Variants in NRG2 observed in about 807,000 individuals in gnomAD.
NRG2 encodes the protein pro-neuregulin-2, membrane-bound isoform.
NRG2 carries 27 observed loss-of-function variants against 73.9 expected under a neutral mutation model. The ratio of observed to expected loss-of-function variants is 0.37; its 90% confidence interval spans 0.27 to 0.50. The LOEUF (loss-of-function observed/expected upper bound fraction) is 0.50. Ranked by LOEUF, NRG2 falls within the 20% of genes least tolerant of loss-of-function variation. The pLI is 0.96. For synonymous variants in NRG2, 532 were observed against 541.0 expected (o/e 0.98, Z 0.23); for missense variants, 1,126 against 1,210.1 (o/e 0.93, Z 1.03).
intron 1 of NRG2, among the ~76,000 whole-genome samples, chr5:139,932,221 A>AGT (rs3056594): frequency 0.091 from 12,916 of 141,302 alleles, 584 homozygotes; most frequent in African/African-American, 0.12. Context: ...AAGAAAATGT[A>AGT]GTGTGTGTGT....
intron 3 of NRG2, among the ~76,000 whole-genome samples, chr5:139,875,105 G>A (rs888043788): frequency 9.2e-5 from 14 of 152,110 alleles, no homozygotes; most frequent in African/African-American, 2.2e-4. Context: ...TCTGCCTCCC[G>A]GGTTCAAGCA....
intron 1 of NRG2, among the ~76,000 whole-genome samples, chr5:139,931,061 T>G (rs1752435829): frequency 6.6e-6 from 1 of 152,216 alleles, no homozygotes; most frequent in South Asian, 2.1e-4. Context: ...GGCACTAACT[T>G]TGGCTTCATC....
At chr5:139,913,488 A>G (rs796214615) in intron 1 of NRG2, among the ~76,000 whole-genome samples, 4 of 152,308 alleles carry the variant, frequency 2.6e-5, no homozygotes, top group African/African-American at 7.2e-5. Flanking sequence ...ATTATTCTGT[A>G]GCTTCAACAC....
At chr5:139,959,203 T>C (rs1259509784) in intron 1 of NRG2, among the ~76,000 whole-genome samples, 1 of 152,076 alleles carries the variant, frequency 6.6e-6, no homozygotes, top group Non-Finnish European at 1.5e-5. Flanking sequence ...TGTTTGTTTG[T>C]TTTTGTTTTT....
chr5:139,922,263 A>C (rs899873222), intron 1 of NRG2, among the ~76,000 whole-genome samples: 25 of 152,164 alleles, frequency 1.6e-4, no homozygotes, highest in Admixed American at 1.2e-3. Flanking sequence ...CAATGAAACA[A>C]AGACCCAGTT....
intron 1 of NRG2, among the ~76,000 whole-genome samples, chr5:139,984,100 T>C (rs1374549667): frequency 6.6e-6 from 1 of 152,156 alleles, no homozygotes; most frequent in Non-Finnish European, 1.5e-5. Flanking sequence ...TATTAAAATA[T>C]TTAATTATAT....
intron 1 of NRG2, among the ~76,000 whole-genome samples, chr5:139,961,460 C>T (rs1384260289): frequency 6.6e-6 from 1 of 151,872 alleles, no homozygotes; most frequent in African/African-American, 2.4e-5. Context: ...ATGTGGGAGC[C>T]ATGGTCTTTG....
At chr5:139,906,679 G>T (rs1201811887) in intron 1 of NRG2, among the ~76,000 whole-genome samples, 1 of 152,206 alleles carries the variant, frequency 6.6e-6, no homozygotes, top group South Asian at 2.1e-4. Context: ...GTAAAGGCTG[G>T]TGGGGATGGA....
chr5:140,042,526 C>T lies in NRG2; in HGVS notation c.544G>A (p.Val182Met). ...GGLQREQVIS[V>M]GSCVPLERNQ... is the part of the protein sequence containing the mutation. ...CTTTCGAGCGGCACACAGGAGCCCA[C>T]GCTGATCACCTGCTCGCGCTGCAGC... Residue 182 changes from valine (V) to methionine (M), a missense_variant, in exon 1 of 10, where the codon GTG becomes ATG. By Grantham distance (21) the Val-to-Met change is conservative. Around this residue, in one of 3 missense-constraint regions of NRG2, gnomAD observed 539 missense variants for 703.2 expected, o/e 0.77. Transcript: ENST00000361474. 2 of 1,613,148 alleles carry T rather than the reference C, an allele frequency of 1.2e-6. No individual in the cohort carries two copies. The highest frequency in any genetic ancestry group is 1.7e-6 in the Non-Finnish European group (2 of 1,179,618).
rs1180925212 is a variant in NRG2 at position 140,042,779 on chromosome 5, C to T, written c.291G>A (p.Pro97=). ...AGAGCAGCATGGAGAAGCCGGGGGC[C>T]GGGTCGCGCCTCATGCCGCCGGCGG... ...AAAAGGMRRD[P]APGFSMLLFG... is the part of the protein sequence containing the mutation. Residue 97 remains proline, a synonymous_variant, in exon 1 of 10, where the codon CCG becomes CCA. Coordinates refer to ENST00000361474, the MANE Select transcript of NRG2 (RefSeq NM_004883.3). 2 of 1,526,210 alleles carry T rather than the reference C, an allele frequency of 1.3e-6. No homozygotes were observed. The highest frequency in any genetic ancestry group is 1.8e-6 in the Non-Finnish European group (2 of 1,137,906). 94.5% of individuals were successfully genotyped at this position (1,526,210 alleles called of 1,614,324 possible). A position where few individuals can be genotyped will look rare whatever the true frequency, so the allele number is the denominator to read the frequency against.
chr5:139,903,392 G>T (rs1458495105), intron 1 of NRG2, among the ~76,000 whole-genome samples: 1 of 152,180 alleles, frequency 6.6e-6, no homozygotes, highest in East Asian at 1.9e-4. Context: ...ATTTGAACAT[G>T]GCTTGCCTGT....
At chr5:139,867,766 G>C (rs756052589) in intron 4 of NRG2, among the ~76,000 whole-genome samples, 12,721 of 119,712 alleles carry the variant, frequency 0.11, 601 homozygotes, top group Middle Eastern at 0.15. Flanking sequence ...GGAAACCTGT[G>C]TGTGTGTGTG....
intron 1 of NRG2, among the ~76,000 whole-genome samples, chr5:139,970,050 C>A (rs777042987): frequency 1.1e-4 from 17 of 152,162 alleles, no homozygotes; most frequent in Non-Finnish European, 1.8e-4. Flanking sequence ...ACCGAATAAC[C>A]TTTAGAAGTC....
chr5:139,897,651 G>T (rs1391168099), intron 1 of NRG2, among the ~76,000 whole-genome samples: 1 of 152,142 alleles, frequency 6.6e-6, no homozygotes, highest in Non-Finnish European at 1.5e-5. Flanking sequence ...TGTAAGGCTG[G>T]ACTGTGACTG....
At chr5:139,938,905 AAAAGAAAGAAAGAAAGAAAGAAAGAAAG>A (rs1164805368) in intron 1 of NRG2, among the ~76,000 whole-genome samples, 2 of 75,498 alleles carry the variant, frequency 2.6e-5, no homozygotes, top group Non-Finnish European at 4.9e-5. Context: ...AGAAAGAAAG[AAAAGAAAGAAAGAAAGAAAGAAAGAAAG>A]AAAGAAAGAA....
Position 140,042,776 on chromosome 5 carries a change from G to T in NRG2, c.294C>A (p.Ala98=). 1 of 1,536,782 alleles carries T rather than the reference G, an allele frequency of 6.5e-7. No individual in the cohort carries two copies. The highest frequency in any genetic ancestry group is 2.5e-5 in the East Asian group (1 of 39,898). ...CGAAGAGCAGCATGGAGAAGCCGGG[G>T]GCCGGGTCGCGCCTCATGCCGCCGG... ...AAAGGMRRDP[A]PGFSMLLFGV... is the part of the protein sequence containing the mutation. The change falls in exon 1 of 10, where the codon GCC becomes GCA. Residue 98 remains alanine, a synonymous_variant. Transcript: ENST00000361474.
intron 1 of NRG2, among the ~76,000 whole-genome samples, chr5:139,976,729 A>G (rs1279971369): frequency 6.6e-6 from 1 of 152,242 alleles, no homozygotes; most frequent in Non-Finnish European, 1.5e-5. Flanking sequence ...GTTTCCTGAC[A>G]GGTTCTTATC....
At chr5:139,986,357 G>C (rs1032636070) in intron 1 of NRG2, among the ~76,000 whole-genome samples, 2 of 152,094 alleles carry the variant, frequency 1.3e-5, no homozygotes, top group Non-Finnish European at 1.5e-5. Context: ...CTTTGGCGTA[G>C]GTCAGTCAAT....
chr5:139,890,636 C>A (rs1764160894), intron 1 of NRG2, among the ~76,000 whole-genome samples: 1 of 152,088 alleles, frequency 6.6e-6, no homozygotes, highest in Non-Finnish European at 1.5e-5. Flanking sequence ...AGTCCCCAGT[C>A]ATTGCTTATG....
Sources: allele counts gnomAD v4.1 joint callset (sites outside exome capture counted in the v4.1 genomes callset), GRCh38; gene constraint gnomAD v4.1.1; regional missense constraint gnomAD v4.1.1; transcripts MANE v1.5; gene names NCBI Gene and HGNC (gene_info 2026-07-23, HGNC 2026-07-21).